CEP128: variants seen among roughly 807,000 people sequenced by gnomAD.
CEP128 encodes the protein centrosomal protein 128, also known as centrosomal protein 128kDa.
A neutral mutation model predicts 156.7 loss-of-function variants in CEP128; 132 were observed. The ratio of observed to expected loss-of-function variants is 0.84; its 90% confidence interval spans 0.73 to 0.97. The LOEUF is 0.97. Ranked by LOEUF, CEP128 falls within the 50% of genes least tolerant of loss-of-function variation. The pLI, the probability that CEP128 is intolerant of heterozygous loss-of-function variation, is 0.00. For missense variants in CEP128, 1,252 were observed against 1,281.9 expected (o/e 0.98, Z 0.36); for synonymous variants, 469 against 448.9 (o/e 1.04, Z -0.57).
intron 19 of CEP128, among the ~76,000 whole-genome samples, chr14:80,736,786 C>T (rs929681355): frequency 1.3e-5 from 2 of 152,162 alleles, no homozygotes; most frequent in African/African-American, 2.4e-5. Flanking sequence ...GTTTCCACTG[C>T]CCATTTACTG....
At chr14:80,668,349 T>C (rs1193140029) in intron 19 of CEP128, among the ~76,000 whole-genome samples, 1 of 151,926 alleles carries the variant, frequency 6.6e-6, no homozygotes, top group Non-Finnish European at 1.5e-5. Flanking sequence ...GAGGCATATA[T>C]AAAACAAAAA....
chr14:80,647,049 A>ATTTGTGTGTG (rs1425598200), intron 19 of CEP128, among the ~76,000 whole-genome samples: 1 of 18,328 alleles, frequency 5.5e-5, no homozygotes, highest in Non-Finnish European at 7.8e-5. Context: ...ATATATATAT[A>ATTTGTGTGTG]TATATATATA....
chr14:80,543,972 A>T (rs1332378803), intron 21 of CEP128, among the ~76,000 whole-genome samples: 2 of 152,174 alleles, frequency 1.3e-5, no homozygotes, highest in Admixed American at 1.3e-4. Context: ...GAAAACATGC[A>T]ATACTCCGAA....
upstream of CEP128, chr14:80,942,157 G>A (rs572236770): frequency 1.3e-5 from 2 of 152,282 alleles, no homozygotes; most frequent in East Asian, 3.9e-4. Context: ...GCACTGAAAT[G>A]TAAAAATCCC....
intron 19 of CEP128, among the ~76,000 whole-genome samples, chr14:80,612,916 C>G (rs1209040956): frequency 6.6e-6 from 1 of 152,046 alleles, no homozygotes; most frequent in Non-Finnish European, 1.5e-5. Context: ...TCTCGGCTCA[C>G]TGCAACCTCC....
At chr14:80,553,083 C>CT (rs5809997) in intron 21 of CEP128, among the ~76,000 whole-genome samples, 23,220 of 149,022 alleles carry the variant, frequency 0.16, 2,009 homozygotes, top group East Asian at 0.31. Context: ...TTCTTTCTTT[C>CT]TTTTTTTTAA....
chr14:80,595,156 G>A (rs1892259067), intron 19 of CEP128, among the ~76,000 whole-genome samples: 1 of 152,186 alleles, frequency 6.6e-6, no homozygotes, highest in Admixed American at 6.5e-5. Context: ...AAAAGGATGA[G>A]TTCATGTCTT....
chr14:80,601,878 A>G (rs1346406722), intron 19 of CEP128, among the ~76,000 whole-genome samples: 2 of 152,150 alleles, frequency 1.3e-5, no homozygotes, highest in South Asian at 2.1e-4. Context: ...AGTGGCACAC[A>G]TAACTGTAAT....
At chr14:80,924,803 G>GA (rs1214205499) in intron 2 of CEP128, among the ~76,000 whole-genome samples, 2 of 151,304 alleles carry the variant, frequency 1.3e-5, no homozygotes, top group Non-Finnish European at 1.5e-5. Context: ...TATAACTAAA[G>GA]AAAAAAAACT....
At chr14:80,476,984 AT>A (rs1438853950) in exon 15 of CEP128, 1 of 152,096 alleles carries the variant, frequency 6.6e-6, no homozygotes, top group Non-Finnish European at 1.5e-5. Context: ...ATCCTTCATG[AT>A]TTTACATTTA....
intron 21 of CEP128, among the ~76,000 whole-genome samples, chr14:80,553,110 G>A (rs1249050199): frequency 1.3e-5 from 2 of 150,368 alleles, no homozygotes; most frequent in African/African-American, 4.9e-5. Flanking sequence ...TTTAAGGTCT[G>A]GGATACATGT....
intron 12 of CEP128, among the ~76,000 whole-genome samples, chr14:80,834,758 T>C (rs1376590139): frequency 6.6e-6 from 1 of 152,198 alleles, no homozygotes; most frequent in Non-Finnish European, 1.5e-5. Flanking sequence ...TGAAGTTTGA[T>C]GAAGAAGCTA....
intron 19 of CEP128, among the ~76,000 whole-genome samples, chr14:80,703,823 A>T (rs1897151261): frequency 6.6e-6 from 1 of 151,998 alleles, no homozygotes; most frequent in South Asian, 2.1e-4. Context: ...ATTTAGTTTC[A>T]TGCAATTCTA....
chr14:80,534,055 A>T (rs958549415), intron 21 of CEP128, among the ~76,000 whole-genome samples: 1 of 152,226 alleles, frequency 6.6e-6, no homozygotes, highest in Non-Finnish European at 1.5e-5. Context: ...AGTAATGAAG[A>T]CAATGAGTCC....
At chr14:80,572,396 T>G (rs891917796) in intron 20 of CEP128, among the ~76,000 whole-genome samples, 1 of 152,236 alleles carries the variant, frequency 6.6e-6, no homozygotes, top group African/African-American at 2.4e-5. Flanking sequence ...CCAAATCTGT[T>G]GCACACTATA....
intron 19 of CEP128, among the ~76,000 whole-genome samples, chr14:80,608,169 C>T (rs1398442783): frequency 6.6e-6 from 1 of 152,198 alleles, no homozygotes; most frequent in African/African-American, 2.4e-5. Context: ...GTCCCTTCTA[C>T]CTTACTCTGC....
At chr14:80,893,839 G>C (rs893608176) in intron 8 of CEP128, among the ~76,000 whole-genome samples, 2 of 151,718 alleles carry the variant, frequency 1.3e-5, no homozygotes, top group Non-Finnish European at 2.9e-5. Flanking sequence ...ATAAACTAGG[G>C]GATTAAAGAG....
At chr14:80,729,125 G>T (rs1417123027) in intron 19 of CEP128, among the ~76,000 whole-genome samples, 3 of 112,950 alleles carry the variant, frequency 2.7e-5, no homozygotes, top group South Asian at 2.9e-4. Context: ...GTGTGTGTGT[G>T]TGTTTACCCA....
chr14:80,751,050 A>G (rs948372331), intron 18 of CEP128, among the ~76,000 whole-genome samples: 22 of 152,332 alleles, frequency 1.4e-4, no homozygotes, highest in African/African-American at 5.3e-4. Flanking sequence ...GTGGCCATCT[A>G]TGAGCCAGGA....
Sources: gnomAD v4.1 joint callset for allele counts (sites outside exome capture counted in the v4.1 genomes callset) on GRCh38, gnomAD v4.1.1 for gene constraint, MANE v1.5 for transcripts, NCBI Gene and HGNC (gene_info 2026-07-23, HGNC 2026-07-21) for gene names.